Variants in TMEM40 observed in about 807,000 individuals in gnomAD.
TMEM40 encodes transmembrane protein 40.
Under a neutral mutation model 40.8 loss-of-function variants are expected in TMEM40, and 34 were observed. That is an observed-to-expected ratio of 0.83 (90% CI 0.63 to 1.11). The LOEUF is 1.11. TMEM40 is among the 50% of genes least tolerant of loss of function. The pLI, the probability that TMEM40 is intolerant of heterozygous loss-of-function variation, is 0.00. For synonymous variants in TMEM40, 106 were observed against 107.0 expected, an observed-to-expected ratio of 0.99 and a Z score of 0.06; for missense variants, 296 against 280.2, an observed-to-expected ratio of 1.06 and a Z score of -0.40.
chr3:12,753,772 T>C (rs1388085957), intron 1 of TMEM40, among the ~76,000 whole-genome samples: 1 of 152,220 alleles, frequency 6.6e-6, no homozygotes, highest in Non-Finnish European at 1.5e-5. Flanking sequence ...AGCCCAGCCC[T>C]GCTGAGTCAT....
chr3:12,736,132 A>G (rs912612255), intron 10 of TMEM40, among the ~76,000 whole-genome samples: 2 of 150,224 alleles, frequency 1.3e-5, no homozygotes, highest in African/African-American at 4.9e-5. Context: ...TGAGGAAGAA[A>G]ACATGAGCAT....
rs552727282 is a variant in TMEM40, at chr3:12,756,822, ACT to A, written c.-9+2367_-9+2368del. Among the ~76,000 whole-genome samples, 22 of 150,406 alleles carry A rather than the reference ACT, an allele frequency of 1.5e-4. No homozygotes were observed. The East Asian group carries it at 3.5e-3, about 24-fold the overall frequency. Reference sequence around the variant, plus strand: ...CTTTCTCTCTCTCTCACACACACACACTCTGTCTCTCACAACACACACCACAC... The same window carrying A: ...CTTTCTCTCTCTCTCACACACACACACTGTCTCTCACAACACACACCACAC... On this transcript the variant is annotated intron_variant, in intron 1 of 11. Coordinates refer to ENST00000314124, the MANE Select transcript of TMEM40 (RefSeq NM_018306.4).
chr3:12,748,852 A>C, intron 2 of TMEM40, 60 bp from the exon 3 acceptor site: 1 of 1,460,132 alleles, frequency 6.8e-7, no homozygotes, highest in Non-Finnish European at 9.4e-7. Context: ...CCCAGGGACC[A>C]CCCAGTCCTC....
intron 3 of TMEM40, among the ~76,000 whole-genome samples, chr3:12,747,371 C>A (rs773395849): frequency 3.3e-5 from 5 of 152,140 alleles, no homozygotes; most frequent in Non-Finnish European, 7.4e-5. Context: ...GTCAGTTGCC[C>A]TCTCTGTGCC....
intron 3 of TMEM40, among the ~76,000 whole-genome samples, chr3:12,747,856 A>G (rs1037644102): frequency 6.9e-6 from 1 of 144,134 alleles, no homozygotes; most frequent in East Asian, 2.1e-4. Flanking sequence ...GGTTGCAGTG[A>G]GCCAAGATCA....
chr3:12,760,050 C>T (rs920944029), upstream of TMEM40, among the ~76,000 whole-genome samples: 11 of 152,126 alleles, frequency 7.2e-5, no homozygotes, highest in African/African-American at 2.7e-4. Context: ...AAGCTCAGCC[C>T]CCAGATCTTG....
chr3:12,765,126 G>A (rs2061588142), intron 1 of TMEM40, among the ~76,000 whole-genome samples: 1 of 152,030 alleles, frequency 6.6e-6, no homozygotes, highest in Non-Finnish European at 1.5e-5. Flanking sequence ...TAAAGTGCTG[G>A]GATTACAGGC....
At chr3:12,765,083 C>A (rs1198204740) in intron 1 of TMEM40, among the ~76,000 whole-genome samples, 1 of 152,062 alleles carries the variant, frequency 6.6e-6, no homozygotes, top group Non-Finnish European at 1.5e-5. Context: ...TCTTGAACTC[C>A]CGACCTCAAG....
At chr3:12,762,865 C>T (rs1038994183), upstream of TMEM40, among the ~76,000 whole-genome samples, 2 of 152,138 alleles carry the variant, frequency 1.3e-5, no homozygotes, top group Non-Finnish European at 2.9e-5. Context: ...TTTCCTGCCA[C>T]TTAAAGGTTT....
chr3:12,763,482 A>G (rs1419975997), upstream of TMEM40, among the ~76,000 whole-genome samples: 1 of 152,126 alleles, frequency 6.6e-6, no homozygotes, highest in African/African-American at 2.4e-5. Context: ...GGGGTGATTC[A>G]TAGGACAACC....
chr3:12,749,169 C>T (rs1181061558), intron 2 of TMEM40, among the ~76,000 whole-genome samples: 4 of 151,998 alleles, frequency 2.6e-5, no homozygotes, highest in African/African-American at 7.2e-5. Flanking sequence ...GGACTACAGG[C>T]GCCCACCGCC....
chr3:12,745,285 C>T (rs1368966306), intron 3 of TMEM40, among the ~76,000 whole-genome samples: 2 of 145,560 alleles, frequency 1.4e-5, no homozygotes, highest in East Asian at 2.0e-4. Context: ...TGAGGCTGGT[C>T]GTGAATTCCT....
intron 3 of TMEM40, among the ~76,000 whole-genome samples, chr3:12,745,980 C>T (rs2106613496): frequency 6.6e-6 from 1 of 152,102 alleles, no homozygotes; most frequent in East Asian, 1.9e-4. Context: ...TCACTGCTAC[C>T]TCTGCCTCCC....
intron 1 of TMEM40, among the ~76,000 whole-genome samples, chr3:12,766,594 CAA>C (rs57274225): frequency 2.6e-4 from 25 of 94,950 alleles, no homozygotes; most frequent in African/African-American, 1.6e-4. Flanking sequence ...GACTCCATCT[CAA>C]AAAAAAAAAA....
intron 1 of TMEM40, among the ~76,000 whole-genome samples, chr3:12,765,462 G>A (rs1001341671): frequency 6.6e-6 from 1 of 152,072 alleles, no homozygotes; most frequent in South Asian, 2.1e-4. Context: ...ATCACTGGAG[G>A]GCAGCAATAC....
At chr3:12,738,699 C>G in intron 5 of TMEM40, 111 bp from the exon 6 acceptor site, 1 of 1,222,446 alleles carries the variant, frequency 8.2e-7, no homozygotes, top group Admixed American at 1.8e-5. Flanking sequence ...AATCTGGAGT[C>G]GGCCAGGTGG....
chr3:12,741,779 AAAAAAGAAAGAAGG>A (rs1354428316), intron 5 of TMEM40, among the ~76,000 whole-genome samples: 6 of 151,834 alleles, frequency 4.0e-5, no homozygotes, highest in Admixed American at 1.3e-4. Flanking sequence ...AAAAAAAAAA[AAAAAAGAAAGAAGG>A]AAAGAAAGAA....
intron 1 of TMEM40, among the ~76,000 whole-genome samples, chr3:12,756,740 C>A (rs1324995233): frequency 1.3e-5 from 2 of 151,914 alleles, no homozygotes; most frequent in Non-Finnish European, 2.9e-5. Flanking sequence ...CTGTTTCTTT[C>A]TTTCCCATCT....
intron 1 of TMEM40, among the ~76,000 whole-genome samples, chr3:12,753,530 C>G (rs1276309381): frequency 6.6e-6 from 1 of 152,036 alleles, no homozygotes; most frequent in African/African-American, 2.4e-5. Flanking sequence ...GGCCTCCACA[C>G]AGGTCTTATT....
Sources: gnomAD v4.1 joint callset for allele counts (sites outside exome capture counted in the v4.1 genomes callset) on GRCh38, gnomAD v4.1.1 for gene constraint, MANE v1.5 for transcripts, NCBI Gene and HGNC (gene_info 2026-07-23, HGNC 2026-07-21) for gene names.